FBXO36: variants seen among roughly 807,000 people sequenced by gnomAD.
The protein encoded by FBXO36 is F-box protein 36.
A neutral mutation model predicts 17.0 loss-of-function variants in FBXO36; 18 were observed. The ratio of observed to expected loss-of-function variants is 1.06; its 90% confidence interval spans 0.73 to 1.57. The LOEUF is 1.57. Ranked by LOEUF, FBXO36 falls within the 40% of genes most tolerant of loss-of-function variation. FBXO36 has a pLI of 0.00. For synonymous variants in FBXO36, 83 were observed against 85.3 expected (o/e 0.97, Z 0.15); for missense variants, 229 against 221.9 (o/e 1.03, Z -0.20).
chr2:229,997,174 A>G (rs1043605658), intron 3 of FBXO36, among the ~76,000 whole-genome samples: 1 of 151,966 alleles, frequency 6.6e-6, no homozygotes, highest in African/African-American at 2.4e-5. Flanking sequence ...AGGTACAAAG[A>G]GAGTGCAAAG....
chr2:229,981,618 C>T (rs544137341), intron 2 of FBXO36, among the ~76,000 whole-genome samples: 48 of 150,022 alleles, frequency 3.2e-4, no homozygotes, highest in African/African-American at 1.2e-3. Flanking sequence ...GGAAGGATCA[C>T]CTGAGCCTGG....
At chr2:229,983,735 C>T (rs1337407340) in intron 2 of FBXO36, among the ~76,000 whole-genome samples, 1 of 152,178 alleles carries the variant, frequency 6.6e-6, no homozygotes, top group Non-Finnish European at 1.5e-5. Context: ...ACTTCCATTC[C>T]AATCCTGGCC....
chr2:230,003,803 G>C (rs1473341590), intron 3 of FBXO36, among the ~76,000 whole-genome samples: 1 of 152,206 alleles, frequency 6.6e-6, no homozygotes, highest in Non-Finnish European at 1.5e-5. Context: ...AAAGTGCTGA[G>C]ATTACAGGCA....
At chr2:229,999,091 C>T (rs555899035) in intron 3 of FBXO36, among the ~76,000 whole-genome samples, 17 of 150,048 alleles carry the variant, frequency 1.1e-4, no homozygotes, top group South Asian at 6.3e-4. Context: ...CGTGAGCCAC[C>T]GCGCCTGGCC....
chr2:230,007,987 G>A (rs1265302119), intron 3 of FBXO36, among the ~76,000 whole-genome samples: 2 of 152,022 alleles, frequency 1.3e-5, no homozygotes, highest in South Asian at 2.1e-4. Context: ...CCTCGGCCTC[G>A]CAGAGTGCTG....
At chr2:229,950,520 T>C (rs1283356253) in intron 1 of FBXO36, among the ~76,000 whole-genome samples, 6 of 152,146 alleles carry the variant, frequency 3.9e-5, no homozygotes, top group Non-Finnish European at 8.8e-5. Context: ...GGAGGTAAAG[T>C]AAGTTCTGTC....
chr2:229,923,106 CTTAG>C (rs1306455177), intron 1 of FBXO36: 1 of 154,226 alleles, frequency 6.5e-6, no homozygotes, highest in Non-Finnish European at 1.4e-5. Context: ...CACATCAAAA[CTTAG>C]TTATTTCTAG....
Position 230,010,747 on chromosome 2 carries a change from A to G in FBXO36, c.430A>G (p.Thr144Ala). 1 of 1,613,806 alleles carries G rather than the reference A, an allele frequency of 6.2e-7. No individual in the cohort carries two copies. The highest frequency in any genetic ancestry group is 8.5e-7 in the Non-Finnish European group (1 of 1,179,722). ...ACAGATAGTCCAGTCGACCTGCGACACCATCACTCCTGACGTGAGGGCCCT... is the reference window on the plus strand; with the variant it reads ...ACAGATAGTCCAGTCGACCTGCGACGCCATCACTCCTGACGTGAGGGCCCT... ...WEQIVQSTCD[T>A]ITPDVRALAE... is the part of the protein sequence containing the mutation. Residue 144 changes from threonine (T) to alanine (A), a missense_variant, in exon 4 of 4, where the codon ACC (threonine) becomes GCC (alanine). Thr to Ala is a moderately conservative substitution (Grantham distance 58). Coordinates refer to ENST00000283946, the MANE Select transcript of FBXO36 (RefSeq NM_174899.5).
chr2:229,972,790 G>T (rs2077187358), intron 1 of FBXO36, among the ~76,000 whole-genome samples: 1 of 152,002 alleles, frequency 6.6e-6, no homozygotes, highest in Non-Finnish European at 1.5e-5. Context: ...GTGGCCAGGG[G>T]TGGTGGCTCG....
intron 2 of FBXO36, among the ~76,000 whole-genome samples, chr2:229,981,710 A>G (rs921245104): frequency 2.0e-5 from 3 of 148,726 alleles, no homozygotes; most frequent in Admixed American, 6.8e-5. Context: ...TCAAAAAAAA[A>G]AAAAAAAGAA....
intron 2 of FBXO36, among the ~76,000 whole-genome samples, chr2:229,995,560 T>C (rs955660778): frequency 2.2e-5 from 3 of 133,480 alleles, no homozygotes; most frequent in African/African-American, 7.6e-5. Context: ...TTTCTTTCCT[T>C]CCTTTCTTTC....
At chr2:229,981,361 C>T (rs1290286035) in intron 2 of FBXO36, among the ~76,000 whole-genome samples, 1 of 151,972 alleles carries the variant, frequency 6.6e-6, no homozygotes, top group Non-Finnish European at 1.5e-5. Flanking sequence ...AAAAGCAAGA[C>T]AAAATACCTG....
intron 1 of FBXO36, among the ~76,000 whole-genome samples, chr2:229,967,962 C>T (rs2077162061): frequency 6.6e-6 from 1 of 152,024 alleles, no homozygotes; most frequent in African/African-American, 2.4e-5. Flanking sequence ...GTACCAGCTC[C>T]TCCTTGTACC....
chr2:229,946,529 G>A (rs1400021220), intron 1 of FBXO36, among the ~76,000 whole-genome samples: 1 of 152,158 alleles, frequency 6.6e-6, no homozygotes, highest in African/African-American at 2.4e-5. Context: ...TCTGGATAGT[G>A]ACAGCCAACA....
intron 1 of FBXO36, among the ~76,000 whole-genome samples, chr2:229,935,078 TCTTAA>T (rs1296758193): frequency 1.3e-5 from 2 of 152,178 alleles, no homozygotes; most frequent in Non-Finnish European, 2.9e-5. Flanking sequence ...CAGTTTAACG[TCTTAA>T]CTTGTGCCTC....
chr2:229,961,007 C>G (rs2077117866), intron 1 of FBXO36, among the ~76,000 whole-genome samples: 1 of 151,940 alleles, frequency 6.6e-6, no homozygotes, highest in Non-Finnish European at 1.5e-5. Context: ...ATTCAGGAGG[C>G]TGAGACAGGA....
intron 1 of FBXO36, among the ~76,000 whole-genome samples, chr2:229,931,993 T>G (rs573982892): frequency 1.3e-5 from 2 of 150,708 alleles, no homozygotes; most frequent in South Asian, 4.2e-4. Flanking sequence ...CATAGCTCAC[T>G]GCAGCCTCCA....
At chr2:229,994,703 C>T (rs1181544302) in intron 2 of FBXO36, among the ~76,000 whole-genome samples, 1 of 152,172 alleles carries the variant, frequency 6.6e-6, no homozygotes, top group Non-Finnish European at 1.5e-5. Flanking sequence ...TGGGAAGACT[C>T]CATAGTGGAG....
At chr2:229,939,180 A>G (rs2076983904) in intron 1 of FBXO36, 3 of 952,980 alleles carry the variant, frequency 3.1e-6, no homozygotes, top group Non-Finnish European at 3.7e-6. Context: ...CAGCCTCCCA[A>G]GTATCTGGGA....
Sources: allele counts gnomAD v4.1 joint callset (sites outside exome capture counted in the v4.1 genomes callset), GRCh38; gene constraint gnomAD v4.1.1; transcripts MANE v1.5; gene names NCBI Gene and HGNC (gene_info 2026-07-23, HGNC 2026-07-21).